SORCS2: variants seen among roughly 807,000 people sequenced by gnomAD.
SORCS2 encodes the protein VPS10 domain-containing receptor SorCS2.
SORCS2 carries 100 observed loss-of-function variants against 141.6 expected under a neutral mutation model. That is an observed-to-expected ratio of 0.71 (90% CI 0.60 to 0.83). SORCS2 has a LOEUF of 0.83. Among genes scored for constraint, SORCS2 ranks in the 40% least tolerant of loss-of-function variants. The probability of loss-of-function intolerance (pLI) is 0.00; values close to 1 mark genes in which losing one functional copy is unlikely to be tolerated. For synonymous variants in SORCS2, 789 were observed against 676.9 expected (o/e 1.17, Z -2.57); for missense variants, 1,646 against 1,560.2 (o/e 1.05, Z -0.93).
intron 4 of SORCS2, among the ~76,000 whole-genome samples, chr4:7,640,996 C>T (rs1720695248): frequency 6.6e-6 from 1 of 152,132 alleles, no homozygotes; most frequent in African/African-American, 2.4e-5. Flanking sequence ...CTACGTAGGT[C>T]AGCTCCCAGG....
chr4:7,566,303 G>C (rs567245193), intron 3 of SORCS2, among the ~76,000 whole-genome samples: 38 of 151,002 alleles, frequency 2.5e-4, no homozygotes, highest in African/African-American at 8.8e-4. Context: ...AATGGTGATG[G>C]TGATGATGGT....
At chr4:7,546,570 A>G (rs552144272) in intron 3 of SORCS2, among the ~76,000 whole-genome samples, 1 of 152,004 alleles carries the variant, frequency 6.6e-6, no homozygotes, top group African/African-American at 2.4e-5. Flanking sequence ...TGTTCCTGAG[A>G]GCAGCTGAGG....
intron 3 of SORCS2, among the ~76,000 whole-genome samples, chr4:7,614,703 C>G (rs980522742): frequency 1.3e-4 from 19 of 151,642 alleles, no homozygotes; most frequent in African/African-American, 4.4e-4. Flanking sequence ...CACCTATCCA[C>G]CCATCCACCA....
chr4:7,467,122 G>A (rs1184837987), intron 2 of SORCS2, among the ~76,000 whole-genome samples: 1 of 152,138 alleles, frequency 6.6e-6, no homozygotes, highest in Non-Finnish European at 1.5e-5. Flanking sequence ...GTCCCCCCAG[G>A]CGTTTGGCAG....
chr4:7,411,763 T>C (rs1725338785), intron 2 of SORCS2, among the ~76,000 whole-genome samples: 1 of 152,162 alleles, frequency 6.6e-6, no homozygotes, highest in Admixed American at 6.5e-5. Flanking sequence ...ATCTACCGTA[T>C]GGTGGGGCTG....
At chr4:7,526,129 C>T (rs35758256) in intron 2 of SORCS2, among the ~76,000 whole-genome samples, 47,210 of 152,216 alleles carry the variant, frequency 0.31, 7,671 homozygotes, top group African/African-American at 0.36. Context: ...GCAGGTGCCA[C>T]GACCCAGGCG....
At chr4:7,232,310 G>A (rs1222410102) in intron 1 of SORCS2, among the ~76,000 whole-genome samples, 1 of 152,166 alleles carries the variant, frequency 6.6e-6, no homozygotes, top group African/African-American at 2.4e-5. Context: ...TTTTCCTGGG[G>A]AGGCTGCTGA....
At chr4:7,195,925 G>A (rs1727142213) in intron 1 of SORCS2, among the ~76,000 whole-genome samples, 1 of 152,220 alleles carries the variant, frequency 6.6e-6, no homozygotes, top group African/African-American at 2.4e-5. Flanking sequence ...AACAGAGAGC[G>A]TGTTTACTTT....
At chr4:7,317,285 G>T (rs1207610166) in intron 1 of SORCS2, among the ~76,000 whole-genome samples, 1 of 152,196 alleles carries the variant, frequency 6.6e-6, no homozygotes, top group Non-Finnish European at 1.5e-5. Context: ...GGGCATGGAG[G>T]GGGCTGTTAA....
rs1336615794 is a variant in SORCS2 at position 7,742,603 on chromosome 4, G to A, written c.*2339G>A. 6 of 152,164 alleles carry A rather than the reference G, an allele frequency of 3.9e-5. No homozygotes were observed. The South Asian group carries it at 8.3e-4, about 21-fold the overall frequency. The allele number at this position is 152,164 out of a possible 1,614,324, so 9.4% of individuals were successfully genotyped here. Reference sequence around the variant, plus strand: ...ATCTGAGACAGCCTGATACGTTCCCGTCTGTGCACCCATGGAGATCCAGGC... The same window carrying A: ...ATCTGAGACAGCCTGATACGTTCCCATCTGTGCACCCATGGAGATCCAGGC... On this transcript the variant is annotated 3_prime_UTR_variant, in exon 27 of 27. Coordinates refer to ENST00000507866, the MANE Select transcript of SORCS2 (RefSeq NM_020777.3).
At position 7,376,223 on chromosome 4, in the gene SORCS2, T is replaced by G. The variant is rs149060144; in HGVS notation, c.481-20065T>G. Reference sequence around the variant, plus strand: ...TTTTGTAGTACAATTTTTCCCTGGTTGTAAATATAAAGCATGCTTATTATA... The same window carrying G: ...TTTTGTAGTACAATTTTTCCCTGGTGGTAAATATAAAGCATGCTTATTATA... On this transcript the variant is annotated intron_variant, in intron 1 of 26. Coordinates refer to ENST00000507866, the MANE Select transcript of SORCS2 (RefSeq NM_020777.3). Among the ~76,000 whole-genome samples, 13 of 152,078 alleles carry G rather than the reference T, an allele frequency of 8.5e-5. No individual in the cohort carries two copies. The East Asian group carries it at 2.3e-3, about 27-fold the overall frequency.
In SORCS2 at chr4:7,192,841, C is replaced by T. The variant is rs1726925013; in HGVS notation, c.195C>T (p.Thr65=). The T allele has an allele frequency of 1.9e-6, 2 of 1,043,836 alleles. No homozygotes were observed. The highest frequency in any genetic ancestry group is 2.3e-6 in the Non-Finnish European group (2 of 869,946). The allele number at this position is 1,043,836 out of a possible 1,614,324, so 64.7% of individuals were successfully genotyped here. A position where few individuals can be genotyped will look rare whatever the true frequency, so the allele number is the denominator to read the frequency against. The change falls in exon 1 of 27, where the codon ACC becomes ACT. Residue 65 remains threonine, a synonymous_variant. Transcript: ENST00000507866. This position sits in a 1 kb window ranked among gnomAD's most constrained non-coding sequence, Gnocchi z 4.0. Reference sequence around the variant, plus strand: ...GCCTGGGTCCTCACGCCCAACTGACCCGGGTGCCGCGGAGCCCTCCCGCGG... The same window carrying T: ...GCCTGGGTCCTCACGCCCAACTGACTCGGGTGCCGCGGAGCCCTCCCGCGG... ...PGRLGPHAQL[T]RVPRSPPAGR...
intron 3 of SORCS2, among the ~76,000 whole-genome samples, chr4:7,550,124 A>ATGTGTGTATGTGTG (rs1713577500): frequency 1.4e-5 from 1 of 70,190 alleles, no homozygotes; most frequent in African/African-American, 4.3e-5. Context: ...GTGTGTGTGT[A>ATGTGTGTATGTGTG]TGTGTGTATG....
At position 7,297,459 on chromosome 4, in the gene SORCS2, A is replaced by T. The variant is rs575184958; in HGVS notation, c.481-98829A>T. 5.5e-4 allele frequency among the ~76,000 whole-genome samples: 84 copies of T among 152,042 alleles called. 1 individual carries two copies. The South Asian group carries it at 0.015, about 27-fold the overall frequency. On this transcript the variant is annotated intron_variant, in intron 1 of 26. Coordinates refer to ENST00000507866, the MANE Select transcript of SORCS2 (RefSeq NM_020777.3). ...ATCTTGCTGGGTGGGGGATCGGAAG[A>T]GCTCTGGGGGTTGGGAAGCTGCCTC...
chr4:7,695,732 A>G (rs563160543), intron 11 of SORCS2, among the ~76,000 whole-genome samples: 42 of 2,520 alleles, frequency 0.017, 12 homozygotes, highest in African/African-American at 0.021. Flanking sequence ...GGATGGATGG[A>G]TTGGTGGGTG....
chr4:7,646,901 G>A (rs970138886), intron 4 of SORCS2, among the ~76,000 whole-genome samples: 1 of 152,200 alleles, frequency 6.6e-6, no homozygotes, highest in East Asian at 1.9e-4. Context: ...AGGCACATGC[G>A]CGTTTTGGGA....
At chr4:7,255,086 G>C (rs1713763630) in intron 1 of SORCS2, among the ~76,000 whole-genome samples, 1 of 152,060 alleles carries the variant, frequency 6.6e-6, no homozygotes, top group Non-Finnish European at 1.5e-5. Flanking sequence ...ACAGAGTCCA[G>C]AAGGCAGGAA....
intron 1 of SORCS2, among the ~76,000 whole-genome samples, chr4:7,244,462 T>TCC: frequency 6.6e-6 from 1 of 152,362 alleles, no homozygotes; most frequent in East Asian, 1.9e-4. Flanking sequence ...CGCTGCTCCG[T>TCC]CCCTGCCCCT....
chr4:7,399,311 G>A (rs1724420645), intron 2 of SORCS2, among the ~76,000 whole-genome samples: 1 of 151,998 alleles, frequency 6.6e-6, no homozygotes, highest in Non-Finnish European at 1.5e-5. Context: ...CGTCTGGAGA[G>A]CACATATTAA....
Sources: gnomAD v4.1 joint callset for allele counts (sites outside exome capture counted in the v4.1 genomes callset) on GRCh38, gnomAD v4.1.1 for gene constraint, Gnocchi (gnomAD v3.1) non-coding constraint, MANE v1.5 for transcripts, NCBI Gene and HGNC (gene_info 2026-07-23, HGNC 2026-07-21) for gene names.